The following TNFSF4 variants were observed in gnomAD, a reference collection of about 807,000 sequenced individuals.
The protein encoded by TNFSF4 is TNF superfamily member 4.
A neutral mutation model predicts 7.3 loss-of-function variants in TNFSF4; 4 were observed. The observed-to-expected ratio is 0.55, with a 90% CI of 0.27 to 1.25. TNFSF4 has a LOEUF of 1.25. Among genes scored for constraint, TNFSF4 ranks in the 50% most tolerant of loss-of-function variants. The pLI is 0.12. For synonymous variants in TNFSF4, 76 were observed against 83.7 expected, an observed-to-expected ratio of 0.91 and a Z score of 0.50; for missense variants, 181 against 208.8, an observed-to-expected ratio of 0.87 and a Z score of 0.82.
the TNFSF4 span, among the ~76,000 whole-genome samples, chr1:173,230,338 A>C: frequency 6.4e-4 from 98 of 152,382 alleles, 1 homozygote; most frequent in African/African-American, 2.3e-3. Context: ...TACTGGGTAC[A>C]TAACAAAATG....
At chr1:173,402,870 T>G in the TNFSF4 span, among the ~76,000 whole-genome samples, 1 of 152,072 alleles carries the variant, frequency 6.6e-6, no homozygotes, top group Non-Finnish European at 1.5e-5. Flanking sequence ...TTTTTTCTTT[T>G]TGAGACAGGG....
At chr1:173,363,641 C>T in the TNFSF4 span, 2 of 380,072 alleles carry the variant, frequency 5.3e-6, no homozygotes, top group African/African-American at 2.2e-5. Flanking sequence ...GGATGTACTA[C>T]ATTTGGAGAT....
chr1:173,260,175 G>A, the TNFSF4 span, among the ~76,000 whole-genome samples: 1 of 152,104 alleles, frequency 6.6e-6, no homozygotes, highest in Non-Finnish European at 1.5e-5. Context: ...GAAGTGTTTG[G>A]GGGCCAATAT....
At chr1:173,387,322 A>G in the TNFSF4 span, among the ~76,000 whole-genome samples, 1 of 152,150 alleles carries the variant, frequency 6.6e-6, no homozygotes, top group African/African-American at 2.4e-5. Context: ...GGATGGGACT[A>G]ATACTTCATA....
At chr1:173,376,837 A>G in the TNFSF4 span, among the ~76,000 whole-genome samples, 3 of 152,198 alleles carry the variant, frequency 2.0e-5, no homozygotes, top group Non-Finnish European at 1.5e-5. Context: ...CTTTGGGTCC[A>G]CACTACCTTT....
chr1:173,225,797 T>C, the TNFSF4 span, among the ~76,000 whole-genome samples: 2 of 152,088 alleles, frequency 1.3e-5, no homozygotes, highest in African/African-American at 4.8e-5. Context: ...AAATACATGA[T>C]GGTGAAAAAC....
chr1:173,327,518 T>C, the TNFSF4 span, among the ~76,000 whole-genome samples: 237 of 151,044 alleles, frequency 1.6e-3, no homozygotes, highest in African/African-American at 5.4e-3. Context: ...CTAATTAAAC[T>C]AAAGAGCTTC....
the TNFSF4 span, among the ~76,000 whole-genome samples, chr1:173,403,616 G>A: frequency 1.2e-4 from 19 of 152,048 alleles, no homozygotes; most frequent in Admixed American, 1.2e-3. Flanking sequence ...TCTTTCAAGC[G>A]TTTTCAGCTG....
chr1:173,226,779 G>A, the TNFSF4 span, among the ~76,000 whole-genome samples: 1 of 152,102 alleles, frequency 6.6e-6, no homozygotes, highest in East Asian at 1.9e-4. Flanking sequence ...TTTTTCAAAA[G>A]CTTTAAGTGC....
chr1:173,434,808 A>C, the TNFSF4 span, among the ~76,000 whole-genome samples: 2 of 152,228 alleles, frequency 1.3e-5, no homozygotes, highest in Non-Finnish European at 2.9e-5. Context: ...TAGTTGAGGA[A>C]ATCTGATTTG....
At chr1:173,206,271 T>C (rs559799008) in intron 1 of TNFSF4, among the ~76,000 whole-genome samples, 2 of 152,180 alleles carry the variant, frequency 1.3e-5, no homozygotes, top group South Asian at 4.2e-4. Flanking sequence ...TGTTTGTATA[T>C]CTGAACTACT....
chr1:173,278,679 C>T, the TNFSF4 span, among the ~76,000 whole-genome samples: 7 of 152,086 alleles, frequency 4.6e-5, no homozygotes, highest in African/African-American at 1.7e-4. Context: ...TCTTTCCACA[C>T]AAACGATGTT....
the TNFSF4 span, among the ~76,000 whole-genome samples, chr1:173,379,387 A>G: frequency 6.6e-6 from 1 of 152,178 alleles, no homozygotes; most frequent in African/African-American, 2.4e-5. Flanking sequence ...AAGCAGATCA[A>G]GCAGATCATT....
the TNFSF4 span, among the ~76,000 whole-genome samples, chr1:173,308,040 C>G: frequency 6.6e-6 from 1 of 151,902 alleles, no homozygotes; most frequent in Non-Finnish European, 1.5e-5. Flanking sequence ...GTTCAAGTCT[C>G]TTGCACATTT....
chr1:173,378,379 G>C, the TNFSF4 span, among the ~76,000 whole-genome samples: 2 of 152,190 alleles, frequency 1.3e-5, no homozygotes, highest in Admixed American at 1.3e-4. Context: ...ACCGTTGTGG[G>C]TCCTTGGGCA....
At chr1:173,187,481 T>C (rs2101981485) in intron 2 of TNFSF4, among the ~76,000 whole-genome samples, 1 of 152,344 alleles carries the variant, frequency 6.6e-6, no homozygotes, top group East Asian at 1.9e-4. Flanking sequence ...ATTGGACCTA[T>C]CCACAGCAGT....
the TNFSF4 span, among the ~76,000 whole-genome samples, chr1:173,437,208 T>C: frequency 6.6e-6 from 1 of 152,206 alleles, no homozygotes; most frequent in African/African-American, 2.4e-5. Flanking sequence ...CCTCTGCTGA[T>C]TTTATTATCT....
chr1:173,411,817 A>T, the TNFSF4 span, among the ~76,000 whole-genome samples: 11 of 150,620 alleles, frequency 7.3e-5, no homozygotes, highest in Non-Finnish European at 8.9e-5. Flanking sequence ...AAAATAAAAA[A>T]ATTTTAAAAA....
the TNFSF4 span, among the ~76,000 whole-genome samples, chr1:173,281,667 T>C: frequency 6.6e-6 from 1 of 152,198 alleles, no homozygotes; most frequent in African/African-American, 2.4e-5. Context: ...AGGTGATCAA[T>C]GTTCTCAAGA....
Sources: gnomAD v4.1 joint callset for allele counts (sites outside exome capture counted in the v4.1 genomes callset) on GRCh38, gnomAD v4.1.1 for gene constraint, MANE v1.5 for transcripts, NCBI Gene and HGNC (gene_info 2026-07-23, HGNC 2026-07-21) for gene names.